SERINC5: variants seen among roughly 807,000 people sequenced by gnomAD.
SERINC5 encodes the protein serine incorporator 5.
SERINC5 carries 41 observed loss-of-function variants against 63.1 expected under a neutral mutation model. The ratio of observed to expected loss-of-function variants is 0.65; its 90% CI spans 0.51 to 0.84. SERINC5 has a LOEUF of 0.84. SERINC5 is among the 40% of genes least tolerant of loss of function. SERINC5 has a pLI of 0.00. For missense variants in SERINC5, 523 were observed against 573.0 expected (o/e 0.91, Z 0.89); for synonymous variants, 222 against 215.2 (o/e 1.03, Z -0.28).
At chr5:80,162,386 T>G (rs1346403135) in intron 7 of SERINC5, among the ~76,000 whole-genome samples, 5 of 152,080 alleles carry the variant, frequency 3.3e-5, no homozygotes, top group Admixed American at 3.3e-4. Context: ...TTATTTTTAT[T>G]TTTTTGAGAC....
intron 1 of SERINC5, among the ~76,000 whole-genome samples, chr5:80,208,514 G>A (rs1167411334): frequency 2.6e-5 from 4 of 152,086 alleles, no homozygotes; most frequent in East Asian, 1.9e-4. Flanking sequence ...CACTCCTCAC[G>A]CACAGTGGCT....
intron 11 of SERINC5, among the ~76,000 whole-genome samples, chr5:80,131,272 TAC>T (rs1251677146): frequency 6.6e-6 from 1 of 152,216 alleles, no homozygotes; most frequent in African/African-American, 2.4e-5. Flanking sequence ...TGGTAGACCC[TAC>T]ACACTCTCTT....
intron 1 of SERINC5, among the ~76,000 whole-genome samples, chr5:80,213,563 A>G (rs1035066645): frequency 1.3e-5 from 2 of 152,212 alleles, no homozygotes; most frequent in Non-Finnish European, 2.9e-5. Flanking sequence ...GGTTTCCTAC[A>G]GGAGGGAGAC....
chr5:80,114,309 T>C (rs1744245261), intron 11 of SERINC5, among the ~76,000 whole-genome samples: 1 of 151,876 alleles, frequency 6.6e-6, no homozygotes, highest in Non-Finnish European at 1.5e-5. Context: ...AGGCACATCT[T>C]ACAAGGCAGC....
intron 1 of SERINC5, among the ~76,000 whole-genome samples, chr5:80,248,785 A>G (rs944473988): frequency 1.3e-5 from 2 of 152,234 alleles, no homozygotes; most frequent in Non-Finnish European, 2.9e-5. Flanking sequence ...GAAAACAGTG[A>G]CTCAACCACC....
At position 80,166,379 on chromosome 5, in the gene SERINC5, T is replaced by A; in HGVS notation, c.859+4A>T. The A allele has an allele frequency of 2.5e-6, 4 of 1,569,448 alleles. No individual in the cohort carries two copies. Among genetic ancestry groups the A allele is most frequent in the Non-Finnish European group, 3.5e-6 (4 of 1,155,034 alleles). On this transcript the variant is annotated splice_donor_region_variant and intron_variant, in intron 7 of 11. Transcript: ENST00000507668. The stretch of plus-strand genomic sequence containing the variant: ...AACACAAGCCCACTAACAGGCTGGC[T>A]TACCTACTTCTGCAGGTTTGCTGGA...
chr5:80,130,199 A>G (rs1251192231), intron 11 of SERINC5, among the ~76,000 whole-genome samples: 2 of 151,966 alleles, frequency 1.3e-5, no homozygotes, highest in Admixed American at 1.3e-4. Context: ...GGCCAACATG[A>G]TGAAACCCCA....
At chr5:80,182,421 C>T (rs1254059058) in intron 2 of SERINC5, among the ~76,000 whole-genome samples, 1 of 151,722 alleles carries the variant, frequency 6.6e-6, no homozygotes, top group East Asian at 1.9e-4. Context: ...GTGTATCAGA[C>T]GTTTATTCAC....
chr5:80,176,888 AG>A (rs1748067670), intron 4 of SERINC5, among the ~76,000 whole-genome samples: 1 of 152,238 alleles, frequency 6.6e-6, no homozygotes, highest in Non-Finnish European at 1.5e-5. Context: ...AATGAATTAA[AG>A]CAGGTTCTAA....
chr5:80,158,811 AC>A, intron 8 of SERINC5, 24 bp downstream of exon 8: 1 of 1,605,112 alleles, frequency 6.2e-7, no homozygotes, highest in Non-Finnish European at 8.5e-7. Flanking sequence ...TGCAAAAGTG[AC>A]CTTGAGTAAC....
rs541243675 is a variant in SERINC5, at chr5:80,145,396, C to T, written c.1238+694G>A. On this transcript the variant is annotated intron_variant, in intron 11 of 11. Coordinates refer to ENST00000507668, the MANE Select transcript of SERINC5 (RefSeq NM_001174072.3). ...AAATGCACAGAAAAGGAGAAGGATACACATCCTAGCAGTGGTTATCTGTGT... is the reference window on the plus strand; with the variant it reads ...AAATGCACAGAAAAGGAGAAGGATATACATCCTAGCAGTGGTTATCTGTGT... Among the ~76,000 whole-genome samples, 5 of 147,546 alleles carry T rather than the reference C, an allele frequency of 3.4e-5. No individual in the cohort carries two copies. In the East Asian group the frequency reaches 8.0e-4, roughly 24 times the overall value.
At chr5:80,173,120 T>C (rs915666735) in intron 5 of SERINC5, among the ~76,000 whole-genome samples, 1 of 147,490 alleles carries the variant, frequency 6.8e-6, no homozygotes, top group Admixed American at 6.8e-5. Context: ...CAACTTCCCA[T>C]TGTTAGGGGA....
downstream of SERINC5, among the ~76,000 whole-genome samples, chr5:80,135,461 T>C (rs1745128534): frequency 6.6e-6 from 1 of 152,062 alleles, no homozygotes; most frequent in African/African-American, 2.4e-5. Context: ...ACCCAAGAAC[T>C]AAAAAGACAA....
intron 1 of SERINC5, among the ~76,000 whole-genome samples, chr5:80,242,805 C>T (rs2112594856): frequency 6.6e-6 from 1 of 152,120 alleles, no homozygotes; most frequent in East Asian, 1.9e-4. Context: ...TGCCTGTAAT[C>T]CCAGCTACTC....
chr5:80,218,692 C>T (rs1039956116), intron 1 of SERINC5, among the ~76,000 whole-genome samples: 37 of 150,470 alleles, frequency 2.5e-4, no homozygotes, highest in African/African-American at 8.5e-4. Context: ...AAAAAAAAGT[C>T]TGGTGCTCTT....
rs1310697894 is a variant in SERINC5 at position 80,208,700 on chromosome 5, C to T, written c.28-5647G>A. 2.6e-5 allele frequency among the ~76,000 whole-genome samples: 4 copies of T among 152,190 alleles called. No individual in the cohort carries two copies. In the East Asian group the frequency reaches 5.8e-4, roughly 22 times the overall value. On this transcript the variant is annotated intron_variant, in intron 1 of 11. Coordinates refer to ENST00000507668, the MANE Select transcript of SERINC5 (RefSeq NM_001174072.3). ...GGAGTCCAACAACATCTTCAGAGGG[C>T]AATGCTTGCAATCCTTCCAGAAACT...
At chr5:80,178,883 T>C (rs960188468) in intron 2 of SERINC5, among the ~76,000 whole-genome samples, 2 of 152,100 alleles carry the variant, frequency 1.3e-5, no homozygotes, top group Admixed American at 1.3e-4. Context: ...CACTCACATA[T>C]ACATATACAT....
intron 5 of SERINC5, 68 bp from the exon 6 acceptor site, chr5:80,169,614 G>A (rs992161879): frequency 2.4e-5 from 31 of 1,280,844 alleles, no homozygotes; most frequent in Middle Eastern, 2.6e-4. Context: ...ACCATTCTGC[G>A]GTAACAGTCA....
intron 11 of SERINC5, among the ~76,000 whole-genome samples, chr5:80,126,883 CA>C (rs1348543856): frequency 6.6e-6 from 1 of 152,072 alleles, no homozygotes; most frequent in Non-Finnish European, 1.5e-5. Flanking sequence ...CATGCGATAC[CA>C]AGCCTGGTAT....
Sources: gnomAD v4.1 joint callset for allele counts (sites outside exome capture counted in the v4.1 genomes callset) on GRCh38, gnomAD v4.1.1 for gene constraint, MANE v1.5 for transcripts, NCBI Gene and HGNC (gene_info 2026-07-23, HGNC 2026-07-21) for gene names.